SCNN1B: variants seen among roughly 807,000 people sequenced by gnomAD.
SCNN1B encodes the protein sodium channel epithelial 1 subunit beta.
Under a neutral mutation model 65.3 loss-of-function variants are expected in SCNN1B, and 46 were observed. That is an observed-to-expected ratio of 0.70 (90% CI 0.56 to 0.90). The LOEUF is 0.90. SCNN1B is among the 40% of genes least tolerant of loss of function. The probability of loss-of-function intolerance (pLI) is 0.00; values close to 1 mark genes in which losing one functional copy is unlikely to be tolerated. For synonymous variants in SCNN1B, 349 were observed against 330.6 expected, an observed-to-expected ratio of 1.06 and a Z score of -0.60; for missense variants, 751 against 830.5, an observed-to-expected ratio of 0.90 and a Z score of 1.18.
intron 2 of SCNN1B, among the ~76,000 whole-genome samples, chr16:23,352,449 C>A (rs183379237): frequency 1.3e-5 from 2 of 152,220 alleles, no homozygotes; most frequent in Non-Finnish European, 2.9e-5. Context: ...ATCATACGGG[C>A]GGCTTTCCGC....
chr16:23,306,394 A>C (rs370076595), intron 1 of SCNN1B, among the ~76,000 whole-genome samples: 1 of 152,182 alleles, frequency 6.6e-6, no homozygotes, highest in Non-Finnish European at 1.5e-5. Context: ...CCCTTAGTAC[A>C]GTGCCTGACT....
At chr16:23,327,125 C>T (rs1250992122) in intron 1 of SCNN1B, among the ~76,000 whole-genome samples, 1 of 152,076 alleles carries the variant, frequency 6.6e-6, no homozygotes, top group Non-Finnish European at 1.5e-5. Context: ...CTATATTGCC[C>T]TGGATGGTCT....
chr16:23,364,853 T>C (rs1962616414), intron 4 of SCNN1B, among the ~76,000 whole-genome samples: 2 of 151,452 alleles, frequency 1.3e-5, no homozygotes, highest in South Asian at 4.2e-4. Flanking sequence ...AGGCCAGGCA[T>C]GGTGGCTCAC....
intron 1 of SCNN1B, among the ~76,000 whole-genome samples, chr16:23,337,049 C>CTATT (rs1288305818): frequency 1.3e-5 from 2 of 151,930 alleles, no homozygotes; most frequent in African/African-American, 4.8e-5. Context: ...TTTCTTTTTA[C>CTATT]TATTTATTTA....
intron 6 of SCNN1B, 109 bp from the exon 7 acceptor site, chr16:23,371,667 C>A: frequency 9.3e-7 from 1 of 1,078,144 alleles, no homozygotes; most frequent in Non-Finnish European, 1.4e-6. Context: ...CCCCCTGGCA[C>A]CTGCAGGGGT....
intron 11 of SCNN1B, 135 bp from the exon 12 acceptor site, chr16:23,379,955 GGTGT>G: frequency 1.3e-6 from 1 of 752,380 alleles, no homozygotes; most frequent in Non-Finnish European, 2.4e-6. Flanking sequence ...TGTGTGCACG[GGTGT>G]GTGGGTACAT....
Position 23,375,650 on chromosome 16 carries a change from T to A in SCNN1B, c.1153-88T>A, listed in dbSNP as rs552210085. The A allele has an allele frequency of 5.1e-4, 481 of 949,110 alleles. 1 individual carries two copies. The highest frequency in any genetic ancestry group is 7.6e-4 in the Non-Finnish European group (436 of 574,200). The allele number at this position is 949,110 out of a possible 1,614,324, so 58.8% of individuals were successfully genotyped here. A position where few individuals can be genotyped will look rare whatever the true frequency, so the allele number is the denominator to read the frequency against. ...TCACCTACCTCCCTTAACTTGGGCA[T>A]CACTTCTCTGGACACCCCTGGTGCT... On this transcript the variant is annotated intron_variant, in intron 7 of 12. Transcript: ENST00000343070.
exon 2 of SCNN1B, chr16:23,283,800 C>T (rs536992911): frequency 6.6e-6 from 1 of 152,350 alleles, no homozygotes; most frequent in East Asian, 1.9e-4. Flanking sequence ...AAACTACTCT[C>T]ACAGGTAGGG....
At chr16:23,308,009 C>T (rs1328508248) in intron 1 of SCNN1B, among the ~76,000 whole-genome samples, 2 of 150,978 alleles carry the variant, frequency 1.3e-5, no homozygotes, top group East Asian at 4.0e-4. Flanking sequence ...CATCTGATTG[C>T]ACCCCAGCCT....
At chr16:23,317,351 G>A (rs1245158197) in intron 1 of SCNN1B, among the ~76,000 whole-genome samples, 2 of 152,212 alleles carry the variant, frequency 1.3e-5, no homozygotes, top group Non-Finnish European at 2.9e-5. Flanking sequence ...TGTCTGGTTG[G>A]TAGTTCCCAG....
chr16:23,299,065 T>C (rs957312348), upstream of SCNN1B, among the ~76,000 whole-genome samples: 5 of 149,856 alleles, frequency 3.3e-5, no homozygotes, highest in Admixed American at 6.6e-5. Context: ...TTTTCTTTTT[T>C]TTTTTTTTTT....
intron 1 of SCNN1B, among the ~76,000 whole-genome samples, chr16:23,321,627 G>A (rs1050998686): frequency 1.3e-5 from 2 of 152,126 alleles, no homozygotes; most frequent in Admixed American, 6.6e-5. Flanking sequence ...ATGACCCCCC[G>A]GAGCATTGAC....
chr16:23,377,430 G>A (rs1209769895), intron 10 of SCNN1B, 44 bp downstream of exon 10: 10 of 1,600,468 alleles, frequency 6.2e-6, no homozygotes, highest in Non-Finnish European at 8.6e-6. Flanking sequence ...ACCTTTGGCT[G>A]GGGACAAGTC....
chr16:23,366,544 G>A (rs1962673566), intron 4 of SCNN1B, among the ~76,000 whole-genome samples: 1 of 152,070 alleles, frequency 6.6e-6, no homozygotes, highest in Admixed American at 6.6e-5. Context: ...GAGCAGCCTG[G>A]CCAACATGAT....
At chr16:23,344,857 G>A (rs1327105158) in intron 1 of SCNN1B, among the ~76,000 whole-genome samples, 2 of 152,200 alleles carry the variant, frequency 1.3e-5, no homozygotes, top group Admixed American at 6.5e-5. Flanking sequence ...AGCTGGGCAT[G>A]GTGGCATGCG....
At chr16:23,334,428 C>T (rs1961894005) in intron 1 of SCNN1B, among the ~76,000 whole-genome samples, 1 of 152,174 alleles carries the variant, frequency 6.6e-6, no homozygotes, top group African/African-American at 2.4e-5. Flanking sequence ...ATTCACACTA[C>T]AGTAAAGAGA....
At chr16:23,351,205 A>T (rs932523073) in intron 2 of SCNN1B, among the ~76,000 whole-genome samples, 2 of 152,182 alleles carry the variant, frequency 1.3e-5, no homozygotes, top group African/African-American at 4.8e-5. Flanking sequence ...GAGAATCTTT[A>T]ATAATAATAG....
At chr16:23,352,770 C>T (rs761237953) in intron 2 of SCNN1B, 31 bp from the exon 3 acceptor site, 1 of 1,613,568 alleles carries the variant, frequency 6.2e-7, no homozygotes, top group Non-Finnish European at 8.5e-7. Context: ...ATATGCATTC[C>T]TTCCCCCTAA....
intron 8 of SCNN1B, 69 bp from the exon 9 acceptor site, chr16:23,377,084 CCAGCCAGAGGCT>C: frequency 7.8e-7 from 1 of 1,284,082 alleles, no homozygotes; most frequent in Non-Finnish European, 1.1e-6. Context: ...AGCAGAGGGG[CCAGCCAGAGGCT>C]CAGCAGGGAA....
Sources: gnomAD v4.1 joint callset for allele counts (sites outside exome capture counted in the v4.1 genomes callset) on GRCh38, gnomAD v4.1.1 for gene constraint, MANE v1.5 for transcripts, NCBI Gene and HGNC (gene_info 2026-07-23, HGNC 2026-07-21) for gene names.